Variants in FTO observed in about 807,000 individuals in gnomAD.
The protein encoded by FTO is alpha-ketoglutarate-dependent dioxygenase FTO.
Under a neutral mutation model 63.9 loss-of-function variants are expected in FTO, and 47 were observed. That is an observed-to-expected ratio of 0.74 (90% CI 0.58 to 0.94). The LOEUF (loss-of-function observed/expected upper bound fraction) is 0.94. Ranked by LOEUF, FTO falls within the 40% of genes least tolerant of loss-of-function variation. FTO has a pLI of 0.00. For synonymous variants in FTO, 207 were observed against 224.4 expected, an observed-to-expected ratio of 0.92 and a Z score of 0.69; for missense variants, 562 against 618.1, an observed-to-expected ratio of 0.91 and a Z score of 0.96.
chr16:53,820,739 TG>T (rs1295065875), intron 2 of FTO, among the ~76,000 whole-genome samples: 3 of 151,946 alleles, frequency 2.0e-5, no homozygotes, highest in Non-Finnish European at 4.4e-5. Context: ...TTTGGTTTTT[TG>T]TTCTTGCGAT....
chr16:53,948,443 G>A (rs537546094), intron 8 of FTO, among the ~76,000 whole-genome samples: 1 of 152,208 alleles, frequency 6.6e-6, no homozygotes, highest in South Asian at 2.1e-4. Flanking sequence ...TAAGTTCAAG[G>A]CAAAACACAC....
At chr16:53,754,397 G>T (rs1291940071) in intron 1 of FTO, among the ~76,000 whole-genome samples, 2 of 152,224 alleles carry the variant, frequency 1.3e-5, no homozygotes, top group African/African-American at 4.8e-5. Context: ...CAGCACTTTG[G>T]GAGGCTAAGG....
intron 8 of FTO, among the ~76,000 whole-genome samples, chr16:54,111,358 T>C (rs376817565): frequency 6.6e-6 from 1 of 152,214 alleles, no homozygotes; most frequent in African/African-American, 2.4e-5. Flanking sequence ...GTAAATTCAA[T>C]TTAATCTTTC....
chr16:53,977,887 C>G lies in FTO; in HGVS notation c.1364+43778C>G, dbSNP rs549020609. Among the ~76,000 whole-genome samples, 23 of 149,420 alleles carry G rather than the reference C, an allele frequency of 1.5e-4. No homozygotes were observed. The East Asian group carries it at 4.4e-3, about 29-fold the overall frequency. ...TTATTTATTTATTTATAGACAGGGT[C>G]TTGCTTTGGTGTTCAGGTTGGAATG... On this transcript the variant is annotated intron_variant, in intron 8 of 8. Transcript: ENST00000471389.
rs183269961 is a variant in FTO, at chr16:54,064,836, G to C, written c.1365-46926G>C. ...CACGGGGTGACAGGGAAGCACGCCA[G>C]ATAACCGGAGCTCAGTTGGCTGAAG... is the stretch of plus-strand genomic sequence containing the variant. On this transcript the variant is annotated intron_variant, in intron 8 of 8. Coordinates refer to ENST00000471389, the MANE Select transcript of FTO (RefSeq NM_001080432.3). 2.6e-5 allele frequency among the ~76,000 whole-genome samples: 4 copies of C among 152,304 alleles called. No homozygotes were observed. The South Asian group carries it at 8.3e-4, about 32-fold the overall frequency.
chr16:54,024,814 A>C (rs1344753837), intron 8 of FTO, among the ~76,000 whole-genome samples: 1 of 152,250 alleles, frequency 6.6e-6, no homozygotes, highest in Non-Finnish European at 1.5e-5. Context: ...TATTATTCCC[A>C]AAATTTAATT....
chr16:53,813,108 A>T (rs1373509726), intron 2 of FTO, among the ~76,000 whole-genome samples: 1 of 152,196 alleles, frequency 6.6e-6, no homozygotes, highest in African/African-American at 2.4e-5. Flanking sequence ...GGAAACCCAA[A>T]TGCAAACAGA....
intron 7 of FTO, among the ~76,000 whole-genome samples, chr16:53,907,837 C>T (rs1396940984): frequency 6.6e-6 from 1 of 152,162 alleles, no homozygotes; most frequent in Non-Finnish European, 1.5e-5. Context: ...TCAATTACTC[C>T]TTCCTCAGTC....
intron 8 of FTO, chr16:54,071,624 G>T (rs2085873228): frequency 6.6e-6 from 1 of 152,164 alleles, no homozygotes; most frequent in African/African-American, 2.4e-5. Flanking sequence ...TGTAGGTTTA[G>T]CCAGTAAGGC....
intron 7 of FTO, chr16:53,911,517 G>C (rs1219972713): frequency 2.8e-6 from 2 of 702,550 alleles, no homozygotes; most frequent in Non-Finnish European, 5.2e-6. Flanking sequence ...GGGGAAGATA[G>C]GTGAATCTAT....
chr16:53,797,569 C>A (rs111380401), intron 1 of FTO, among the ~76,000 whole-genome samples: 1 of 151,920 alleles, frequency 6.6e-6, no homozygotes, highest in African/African-American at 2.4e-5. Context: ...CAATATACTG[C>A]GATTTCTTTA....
intron 1 of FTO, among the ~76,000 whole-genome samples, chr16:53,728,433 C>CCATT (rs1322374994): frequency 6.6e-6 from 1 of 152,080 alleles, no homozygotes; most frequent in Non-Finnish European, 1.5e-5. Flanking sequence ...TCCCTTCCTT[C>CCATT]CATTCATTCA....
chr16:53,741,941 C>A (rs2076536542), intron 1 of FTO, among the ~76,000 whole-genome samples: 1 of 152,042 alleles, frequency 6.6e-6, no homozygotes, highest in Non-Finnish European at 1.5e-5. Flanking sequence ...AGTGACAGAC[C>A]CATACTGGCT....
intron 8 of FTO, among the ~76,000 whole-genome samples, chr16:53,946,561 A>G (rs1012986758): frequency 2.6e-5 from 4 of 152,084 alleles, no homozygotes; most frequent in African/African-American, 9.7e-5. Context: ...GGAAGTTCCT[A>G]TTGTCTTCTT....
intron 8 of FTO, among the ~76,000 whole-genome samples, chr16:54,041,333 G>A (rs1242723806): frequency 6.6e-6 from 1 of 152,052 alleles, no homozygotes; most frequent in Non-Finnish European, 1.5e-5. Context: ...TCATTATCAC[G>A]AGAACAGCAT....
chr16:53,818,838 C>A (rs1385965855), intron 2 of FTO, among the ~76,000 whole-genome samples: 1 of 152,066 alleles, frequency 6.6e-6, no homozygotes, highest in Non-Finnish European at 1.5e-5. Flanking sequence ...CTAAACCCTT[C>A]TTGGGCATTT....
chr16:53,817,104 T>C (rs2151753387), intron 2 of FTO, among the ~76,000 whole-genome samples: 1 of 152,360 alleles, frequency 6.6e-6, no homozygotes, highest in South Asian at 2.1e-4. Context: ...CTTTTAATCC[T>C]TGTATGTCTG....
At chr16:54,073,944 G>A (rs1347686875) in intron 8 of FTO, among the ~76,000 whole-genome samples, 4 of 152,030 alleles carry the variant, frequency 2.6e-5, no homozygotes, top group African/African-American at 9.7e-5. Context: ...CCAATTGTTT[G>A]CACCAAACCC....
At chr16:53,705,833 AT>A (rs2075603105) in intron 1 of FTO, among the ~76,000 whole-genome samples, 2 of 152,226 alleles carry the variant, frequency 1.3e-5, no homozygotes, top group African/African-American at 4.8e-5. Context: ...TTCTGTGAAG[AT>A]TTGTTGAGCA....
Sources: gnomAD v4.1 joint callset for allele counts (sites outside exome capture counted in the v4.1 genomes callset) on GRCh38, gnomAD v4.1.1 for gene constraint, MANE v1.5 for transcripts, NCBI Gene and HGNC (gene_info 2026-07-23, HGNC 2026-07-21) for gene names.